Variants in TBK1 observed in about 807,000 individuals in gnomAD.
The protein encoded by TBK1 is serine/threonine-protein kinase TBK1.
A neutral mutation model predicts 99.9 loss-of-function variants in TBK1; 37 were observed. That is an observed-to-expected ratio of 0.37 (90% CI 0.28 to 0.49). The LOEUF (loss-of-function observed/expected upper bound fraction) is 0.49, where lower values mean the gene tolerates loss of function less well. Among genes scored for constraint, TBK1 ranks in the 20% least tolerant of loss-of-function variants. TBK1 has a pLI of 0.98. For synonymous variants in TBK1, 258 were observed against 279.8 expected (o/e 0.92, Z 0.78); for missense variants, 644 against 872.5 (o/e 0.74, Z 3.30).
Position 64,464,427 on chromosome 12 carries a change from C to G in TBK1, c.322C>G (p.Pro108Ala). 1 of 1,596,034 alleles carries G rather than the reference C, an allele frequency of 6.3e-7. No individual in the cohort carries two copies. Among genetic ancestry groups the G allele is most frequent in the Non-Finnish European group, 8.5e-7 (1 of 1,169,956 alleles). Residue 108 changes from proline (P) to alanine (A), a missense_variant, in exon 4 of 21, where the codon CCA becomes GCA. By Grantham distance (27) the Pro-to-Ala change is conservative. Coordinates refer to ENST00000331710, the MANE Select transcript of TBK1 (RefSeq NM_013254.4). ...LEEPSNAYGL[P>A]ESEFLIVLRD... ...AGAACCTTCTAATGCCTATGGACTACCAGAATCTGAATTCTTAATTGTTTT... is the reference window on the plus strand; with the variant it reads ...AGAACCTTCTAATGCCTATGGACTAGCAGAATCTGAATTCTTAATTGTTTT...
chr12:64,495,273 C>A, intron 13 of TBK1: 1 of 475,716 alleles, frequency 2.1e-6, no homozygotes, highest in Non-Finnish European at 3.7e-6. Context: ...AGATGTATTA[C>A]TGCTGGTCTC....
chr12:64,494,315 A>G lies in TBK1; in HGVS notation c.1522-1168A>G, dbSNP rs2040902966. On this transcript the variant is annotated intron_variant, in intron 13 of 20. Coordinates refer to ENST00000331710, the MANE Select transcript of TBK1 (RefSeq NM_013254.4). ...CCAACTCTACCAAAAAAAAAAAAAG[A>G]AAAAAAAGAAAAAATTAGCAAGACG... Among the ~76,000 whole-genome samples the G allele has an allele frequency of 2.8e-5, 4 of 145,072 alleles. No homozygotes were observed. The South Asian group carries it at 8.9e-4, about 32-fold the overall frequency.
chr12:64,476,689 CTATTTTT>C (rs1160036660), intron 6 of TBK1, among the ~76,000 whole-genome samples: 24 of 152,194 alleles, frequency 1.6e-4, no homozygotes, highest in African/African-American at 5.8e-4. Flanking sequence ...TCTCCTTTGT[CTATTTTT>C]TATTTTGTTG....
chr12:64,492,711 A>T (rs540523015), intron 13 of TBK1, among the ~76,000 whole-genome samples: 148 of 151,496 alleles, frequency 9.8e-4, no homozygotes, highest in Non-Finnish European at 1.5e-3. Flanking sequence ...TTTTCCGTAG[A>T]TATCATTTTT....
intron 2 of TBK1, 68 bp downstream of exon 2, chr12:64,456,025 C>A: frequency 9.1e-7 from 1 of 1,098,834 alleles, no homozygotes; most frequent in Non-Finnish European, 1.3e-6. Flanking sequence ...TGCATGTTGA[C>A]ACTAAAGTGT....
At chr12:64,492,506 A>C (rs2040879043) in intron 13 of TBK1, among the ~76,000 whole-genome samples, 1 of 151,982 alleles carries the variant, frequency 6.6e-6, no homozygotes, top group Admixed American at 6.6e-5. Flanking sequence ...TGGTTTCTCC[A>C]TGTTGGTCAG....
intron 5 of TBK1, among the ~76,000 whole-genome samples, chr12:64,470,591 T>G (rs150077589): frequency 0.012 from 1,862 of 152,334 alleles, 26 homozygotes; most frequent in Middle Eastern, 0.054. Context: ...AAAAATACTT[T>G]GTTATATATA....
chr12:64,486,981 TCTAA>T (rs2040826799), intron 11 of TBK1, among the ~76,000 whole-genome samples: 1 of 152,144 alleles, frequency 6.6e-6, no homozygotes, highest in Non-Finnish European at 1.5e-5. Context: ...GAATATATAA[TCTAA>T]CAAGCAATTT....
At chr12:64,456,647 T>C (rs1336417915) in intron 2 of TBK1, among the ~76,000 whole-genome samples, 9 of 152,166 alleles carry the variant, frequency 5.9e-5, no homozygotes, top group Admixed American at 5.9e-4. Context: ...GAGACCATCC[T>C]GGCTAACACG....
At chr12:64,457,063 A>G (rs1420452349) in intron 2 of TBK1, among the ~76,000 whole-genome samples, 2 of 152,202 alleles carry the variant, frequency 1.3e-5, no homozygotes, top group Non-Finnish European at 2.9e-5. Context: ...GTTTCGAGCT[A>G]AATGATGTTT....
intron 6 of TBK1, among the ~76,000 whole-genome samples, chr12:64,474,595 A>G (rs962245897): frequency 9.2e-5 from 14 of 152,248 alleles, no homozygotes; most frequent in African/African-American, 2.7e-4. Context: ...TAAATATCTT[A>G]TATACACAGT....
intron 5 of TBK1, 33 bp from the exon 6 acceptor site, chr12:64,474,177 ATAATGAAATGGGTCACAGGT>A: frequency 6.6e-7 from 1 of 1,521,424 alleles, no homozygotes; most frequent in Non-Finnish European, 8.9e-7. Context: ...ATTTGTTTGT[ATAATGAAATGGGTCACAGGT>A]TCATGATTTT....
intron 1 of TBK1, among the ~76,000 whole-genome samples, chr12:64,453,591 A>G (rs761180615): frequency 3.5e-4 from 54 of 152,304 alleles, no homozygotes; most frequent in Admixed American, 1.3e-3. Context: ...ACCATTCTGC[A>G]TTTTCCTAAC....
At chr12:64,484,044 C>G in intron 8 of TBK1, 1 of 208,522 alleles carries the variant, frequency 4.8e-6, no homozygotes. Flanking sequence ...CACACACACA[C>G]ACACAGAGGA....
At chr12:64,464,261 A>G in intron 3 of TBK1, 73 bp from the exon 4 acceptor site, 1 of 1,256,658 alleles carries the variant, frequency 8.0e-7, no homozygotes, top group Non-Finnish European at 1.1e-6. Context: ...TTTAAATGAA[A>G]TCAGATAAGT....
intron 13 of TBK1, among the ~76,000 whole-genome samples, chr12:64,495,028 TTC>T (rs2040910974): frequency 6.6e-6 from 1 of 152,238 alleles, no homozygotes; most frequent in Non-Finnish European, 1.5e-5. Flanking sequence ...TAGATGAGGT[TTC>T]TTTTCATTTT....
chr12:64,474,766 A>C (rs1300019248), intron 6 of TBK1, among the ~76,000 whole-genome samples: 1 of 152,210 alleles, frequency 6.6e-6, no homozygotes, highest in East Asian at 1.9e-4. Flanking sequence ...TCATTACCAG[A>C]TCTAAAACAA....
At chr12:64,492,063 CA>C (rs1442442296) in intron 13 of TBK1, among the ~76,000 whole-genome samples, 2 of 152,146 alleles carry the variant, frequency 1.3e-5, no homozygotes, top group Non-Finnish European at 2.9e-5. Context: ...TCAGAAAGCA[CA>C]AAATAGTCTT....
At position 64,467,093 on chromosome 12, in the gene TBK1, T is replaced by G; in HGVS notation, c.540+11T>G. On this transcript the variant is annotated intron_variant, in intron 5 of 20. Coordinates refer to ENST00000331710, the MANE Select transcript of TBK1 (RefSeq NM_013254.4). Reference sequence around the variant, plus strand: ...ACAGAAGAATATTTGGTAAGTCATGTATCACTAATATTTTCATTTAAAGAA... The same window carrying G: ...ACAGAAGAATATTTGGTAAGTCATGGATCACTAATATTTTCATTTAAAGAA... The G allele has an allele frequency of 6.5e-7, 1 of 1,534,656 alleles. No homozygotes were observed. The highest frequency in any genetic ancestry group is 1.3e-5 in the South Asian group (1 of 78,838).
Sources: allele counts gnomAD v4.1 joint callset (sites outside exome capture counted in the v4.1 genomes callset), GRCh38; gene constraint gnomAD v4.1.1; transcripts MANE v1.5; gene names NCBI Gene and HGNC (gene_info 2026-07-23, HGNC 2026-07-21).